RAD18: variants seen among roughly 807,000 people sequenced by gnomAD.
RAD18 encodes the protein E3 ubiquitin-protein ligase RAD18.
In RAD18, 47 loss-of-function variants were observed where a neutral mutation model predicts 60.4. The ratio of observed to expected loss-of-function variants is 0.78; its 90% confidence interval spans 0.62 to 0.99. The LOEUF (loss-of-function observed/expected upper bound fraction) is 0.99, where lower values mean the gene tolerates loss of function less well. RAD18 is among the 50% of genes least tolerant of loss of function. RAD18 has a pLI of 0.00. For synonymous variants in RAD18, 225 were observed against 195.5 expected, an observed-to-expected ratio of 1.15 and a Z score of -1.26; for missense variants, 640 against 593.3, an observed-to-expected ratio of 1.08 and a Z score of -0.82.
At chr3:8,961,643 T>C (rs1024176211) in intron 1 of RAD18, among the ~76,000 whole-genome samples, 2 of 152,202 alleles carry the variant, frequency 1.3e-5, no homozygotes, top group South Asian at 4.1e-4. Context: ...AATTGGCAGA[T>C]GTGTTATAAA....
At chr3:8,952,130 C>T (rs1424238616) in intron 2 of RAD18, among the ~76,000 whole-genome samples, 7 of 152,186 alleles carry the variant, frequency 4.6e-5, no homozygotes, top group Admixed American at 4.6e-4. Context: ...GGCATTCCAC[C>T]TTTAACCTCC....
Position 8,880,890 on chromosome 3 carries a change from C to T in RAD18, c.*467G>A, listed in dbSNP as rs948967399. 1.9e-5 allele frequency: 3 copies of T among 161,318 alleles called. No homozygotes were observed. Among genetic ancestry groups the T allele is most frequent in the African/African-American group, 7.2e-5 (3 of 41,506 alleles). 10.0% of individuals were successfully genotyped at this position (161,318 alleles called of 1,614,324 possible). On this transcript the variant is annotated 3_prime_UTR_variant, in exon 13 of 13. Transcript: ENST00000264926. ...TGGCGTGCATCGGTACTTACACACA[C>T]CAAGGATGTGAACTGACATCCCGCC...
intron 4 of RAD18, among the ~76,000 whole-genome samples, chr3:8,945,466 TTC>T (rs1197620517): frequency 7.4e-5 from 9 of 121,292 alleles, no homozygotes; most frequent in African/African-American, 2.5e-4. Context: ...TGTTTCCATC[TTC>T]TTTTTTTTTT....
chr3:8,912,402 A>C (rs763259767), intron 8 of RAD18, 30 bp from the exon 9 acceptor site: 1 of 1,428,946 alleles, frequency 7.0e-7, no homozygotes. Flanking sequence ...ACCTTAATAA[A>C]AATCTCCCCA....
chr3:8,947,988 C>A (rs1344059221), intron 3 of RAD18, among the ~76,000 whole-genome samples: 2 of 152,150 alleles, frequency 1.3e-5, no homozygotes, highest in African/African-American at 4.8e-5. Flanking sequence ...TTCTTTATTC[C>A]CACTTATGTT....
At chr3:8,926,343 A>G (rs987994357) in intron 7 of RAD18, among the ~76,000 whole-genome samples, 1 of 152,222 alleles carries the variant, frequency 6.6e-6, no homozygotes, top group Admixed American at 6.5e-5. Context: ...TAGGAACCCA[A>G]CTTACAAAGG....
At chr3:8,954,796 G>C (rs200500430) in intron 2 of RAD18, among the ~76,000 whole-genome samples, 16 of 152,132 alleles carry the variant, frequency 1.1e-4, no homozygotes, top group African/African-American at 3.4e-4. Flanking sequence ...GATGATACCA[G>C]AACATGACAG....
In RAD18 at chr3:8,880,349, T is replaced by C. The variant is rs1939435580; in HGVS notation, c.*1008A>G. ...ATTGCCGCATTTACTATCATCTCATTTGAAAGCTGATGTGTTTGGGTTGGG... is the reference window on the plus strand; with the variant it reads ...ATTGCCGCATTTACTATCATCTCATCTGAAAGCTGATGTGTTTGGGTTGGG... On this transcript the variant is annotated 3_prime_UTR_variant, in exon 13 of 13. Coordinates refer to ENST00000264926, the MANE Select transcript of RAD18 (RefSeq NM_020165.4). The C allele has an allele frequency of 6.6e-6, 1 of 152,224 alleles. No homozygotes were observed. Among genetic ancestry groups the C allele is most frequent in the Non-Finnish European group, 1.5e-5 (1 of 68,038 alleles). The allele number at this position is 152,224 out of a possible 1,614,324, so 9.4% of individuals were successfully genotyped here. A position where few individuals can be genotyped will look rare whatever the true frequency, so the allele number is the denominator to read the frequency against.
chr3:8,915,428 A>G (rs1453776927), intron 7 of RAD18, among the ~76,000 whole-genome samples: 1 of 152,180 alleles, frequency 6.6e-6, no homozygotes, highest in Non-Finnish European at 1.5e-5. Context: ...ATAGGACAGT[A>G]CACCAGAGAA....
chr3:8,900,130 G>C (rs1939876885), intron 10 of RAD18, among the ~76,000 whole-genome samples: 2 of 152,192 alleles, frequency 1.3e-5, no homozygotes, highest in South Asian at 2.1e-4. Context: ...CTTCACAAGA[G>C]TGTAATTCCT....
chr3:8,957,557 G>T (rs1376733073), intron 2 of RAD18, among the ~76,000 whole-genome samples: 1 of 152,170 alleles, frequency 6.6e-6, no homozygotes, highest in African/African-American at 2.4e-5. Flanking sequence ...TTGTTCAGGA[G>T]TTAGACAAAC....
Position 8,921,093 on chromosome 3 carries a change from A to G in RAD18, c.890-7373T>C, listed in dbSNP as rs138522804. Among the ~76,000 whole-genome samples, 75 of 152,334 alleles carry G rather than the reference A, an allele frequency of 4.9e-4. 1 individual carries two copies. The East Asian group carries it at 8.5e-3, about 17-fold the overall frequency. On this transcript the variant is annotated intron_variant, in intron 7 of 12. Coordinates refer to ENST00000264926, the MANE Select transcript of RAD18 (RefSeq NM_020165.4). ...TATTTTCAGGCAGTTAAAGAAGAAA[A>G]TATGTGTGTAATTATATGGACACAT... is the stretch of plus-strand genomic sequence containing the variant.
chr3:8,929,689 T>G (rs1457232251), intron 7 of RAD18, among the ~76,000 whole-genome samples: 3 of 151,616 alleles, frequency 2.0e-5, no homozygotes. Flanking sequence ...TTGCCCAGAC[T>G]GTAGTGCAAT....
chr3:8,952,568 A>G (rs544198360), intron 2 of RAD18, among the ~76,000 whole-genome samples: 4 of 152,390 alleles, frequency 2.6e-5, no homozygotes, highest in South Asian at 4.1e-4. Flanking sequence ...TAAAAAATTA[A>G]TAAGTTGTCA....
intron 1 of RAD18, among the ~76,000 whole-genome samples, chr3:8,960,244 C>T (rs1181318002): frequency 6.6e-6 from 1 of 152,090 alleles, no homozygotes; most frequent in Non-Finnish European, 1.5e-5. Context: ...GAGTTCAAGG[C>T]TGCAGTGAGC....
chr3:8,940,066 C>T (rs571084674), intron 5 of RAD18, among the ~76,000 whole-genome samples: 7 of 152,250 alleles, frequency 4.6e-5, no homozygotes, highest in African/African-American at 1.2e-4. Flanking sequence ...GCCCAAGGGC[C>T]GAGTGAAGGA....
chr3:8,906,826 A>C lies in RAD18; in HGVS notation c.1028-4306T>G, dbSNP rs886352430. On this transcript the variant is annotated intron_variant, in intron 9 of 12. Transcript: ENST00000264926. The stretch of plus-strand genomic sequence containing the variant: ...TTTTTTTAATCAAAATATGTTATTT[A>C]TGCTAACATGTAATGGGTTTATTGT... Among the ~76,000 whole-genome samples, 3 of 143,724 alleles carry C rather than the reference A, an allele frequency of 2.1e-5. No individual in the cohort carries two copies. The Admixed American group carries it at 2.1e-4, about 10-fold the overall frequency. The allele number at this position is 143,724 out of a possible 152,430, so 94.3% of individuals were successfully genotyped here.
intron 4 of RAD18, among the ~76,000 whole-genome samples, chr3:8,943,152 C>G (rs997207965): frequency 6.6e-6 from 1 of 152,196 alleles, no homozygotes; most frequent in Non-Finnish European, 1.5e-5. Context: ...GAAGACAATT[C>G]ACAGCTTCTA....
chr3:8,883,679 G>A (rs1312472113), intron 12 of RAD18, among the ~76,000 whole-genome samples: 1 of 152,030 alleles, frequency 6.6e-6, no homozygotes, highest in Admixed American at 6.6e-5. Flanking sequence ...GCTTCCTTAG[G>A]TCTTTCCTAA....
Sources: gnomAD v4.1 joint callset for allele counts (sites outside exome capture counted in the v4.1 genomes callset) on GRCh38, gnomAD v4.1.1 for gene constraint, MANE v1.5 for transcripts, NCBI Gene and HGNC (gene_info 2026-07-23, HGNC 2026-07-21) for gene names.